NSMCE2: variants seen among roughly 807,000 people sequenced by gnomAD.
NSMCE2 encodes NSE2 SUMO ligase component of SMC5/6 complex, also known as E3 SUMO-protein ligase NSE2.
In NSMCE2, 24 loss-of-function variants were observed where a neutral mutation model predicts 23.8. That is an observed-to-expected ratio of 1.01 (90% CI 0.73 to 1.42). NSMCE2 has a LOEUF of 1.42. Among genes scored for constraint, NSMCE2 ranks in the 40% most tolerant of loss-of-function variants. The pLI is 0.00. For synonymous variants in NSMCE2, 92 were observed against 94.1 expected (o/e 0.98, Z 0.13); for missense variants, 284 against 296.5 (o/e 0.96, Z 0.31).
intron 5 of NSMCE2, among the ~76,000 whole-genome samples, chr8:125,331,378 A>G (rs1829870027): frequency 1.3e-5 from 2 of 152,188 alleles, no homozygotes; most frequent in South Asian, 4.1e-4. Context: ...GATGTCTGTG[A>G]CTGTTTCCTC....
At chr8:125,114,834 T>A (rs1818921373) in intron 3 of NSMCE2, among the ~76,000 whole-genome samples, 1 of 152,228 alleles carries the variant, frequency 6.6e-6, no homozygotes, top group African/African-American at 2.4e-5. Context: ...ACTTAGAGAA[T>A]TTTTGAAATT....
At chr8:125,263,103 CAAT>C (rs1826767202) in intron 5 of NSMCE2, among the ~76,000 whole-genome samples, 1 of 152,102 alleles carries the variant, frequency 6.6e-6, no homozygotes, top group African/African-American at 2.4e-5. Flanking sequence ...AAATATTATT[CAAT>C]TTACACATTG....
At chr8:125,178,810 C>T (rs1822631295) in intron 4 of NSMCE2, among the ~76,000 whole-genome samples, 1 of 152,056 alleles carries the variant, frequency 6.6e-6, no homozygotes, top group Non-Finnish European at 1.5e-5. Context: ...GTGGAGCTTG[C>T]AGTGAGCCGA....
At chr8:125,307,024 C>T (rs542592635) in intron 5 of NSMCE2, among the ~76,000 whole-genome samples, 6 of 152,320 alleles carry the variant, frequency 3.9e-5, no homozygotes, top group Admixed American at 3.9e-4. Flanking sequence ...GTGGATAAAA[C>T]AGTGTGTTAA....
rs115355578 is a variant in NSMCE2, at chr8:125,189,083, T to C, written c.418+6827T>C. Among the ~76,000 whole-genome samples the C allele has an allele frequency of 6.4e-3, 972 of 152,338 alleles. 7 individuals are homozygous for C. Among genetic ancestry groups the C allele is most frequent in the African/African-American group, 0.022 (926 of 41,576 alleles). ...ATCCTGATACTATTCAACTTAGAAA[T>C]GTTTTACTTTGTCATAAGGTATAAC... On this transcript the variant is annotated intron_variant, in intron 5 of 7. Coordinates refer to ENST00000287437, the MANE Select transcript of NSMCE2 (RefSeq NM_173685.4).
chr8:125,223,033 G>C (rs554037312), intron 5 of NSMCE2, among the ~76,000 whole-genome samples: 2 of 151,818 alleles, frequency 1.3e-5, no homozygotes, highest in East Asian at 3.9e-4. Context: ...GTGCACTCCA[G>C]CCTGGGCAAC....
At chr8:125,158,370 T>C (rs1470470719) in intron 4 of NSMCE2, among the ~76,000 whole-genome samples, 1 of 151,820 alleles carries the variant, frequency 6.6e-6, no homozygotes, top group Non-Finnish European at 1.5e-5. Context: ...CTCTGTGCAG[T>C]GATGATATGA....
chr8:125,317,332 G>A (rs190747794), intron 5 of NSMCE2, among the ~76,000 whole-genome samples: 42 of 151,668 alleles, frequency 2.8e-4, no homozygotes, highest in Middle Eastern at 3.4e-3. Flanking sequence ...GAATAGCTGG[G>A]ACTACAGGCA....
intron 5 of NSMCE2, among the ~76,000 whole-genome samples, chr8:125,296,261 A>G (rs188444516): frequency 2.3e-3 from 357 of 152,314 alleles, no homozygotes; most frequent in African/African-American, 7.7e-3. Context: ...TCTGCTGGGT[A>G]CATGACATAT....
At chr8:125,334,105 G>A (rs1829987296) in intron 5 of NSMCE2, among the ~76,000 whole-genome samples, 1 of 152,148 alleles carries the variant, frequency 6.6e-6, no homozygotes, top group African/African-American at 2.4e-5. Flanking sequence ...ACCTTAAAGG[G>A]CCATTGTGAG....
chr8:125,229,700 T>A (rs959794230), intron 5 of NSMCE2, among the ~76,000 whole-genome samples: 1 of 152,236 alleles, frequency 6.6e-6, no homozygotes, highest in Non-Finnish European at 1.5e-5. Context: ...ACTTTGTGTA[T>A]AAGGATAATT....
At chr8:125,275,711 G>A (rs1827424333) in intron 5 of NSMCE2, among the ~76,000 whole-genome samples, 2 of 152,134 alleles carry the variant, frequency 1.3e-5, no homozygotes, top group Non-Finnish European at 2.9e-5. Flanking sequence ...ATGTGTTTTC[G>A]ATGCCGTATG....
At chr8:125,157,277 A>T (rs534695748) in intron 4 of NSMCE2, among the ~76,000 whole-genome samples, 1 of 152,326 alleles carries the variant, frequency 6.6e-6, no homozygotes, top group African/African-American at 2.4e-5. Context: ...GCCAGAGGGG[A>T]AAGTACTAGG....
chr8:125,121,714 T>G (rs528499388), intron 3 of NSMCE2, among the ~76,000 whole-genome samples: 1 of 152,334 alleles, frequency 6.6e-6, no homozygotes, highest in Admixed American at 6.5e-5. Flanking sequence ...CTTGTGATGC[T>G]TTTTGTGTAC....
intron 5 of NSMCE2, among the ~76,000 whole-genome samples, chr8:125,227,655 C>T (rs1450180434): frequency 2.0e-5 from 3 of 152,154 alleles, no homozygotes; most frequent in Non-Finnish European, 4.4e-5. Context: ...TGATTAAGCT[C>T]TAATTAGAAT....
intron 5 of NSMCE2, among the ~76,000 whole-genome samples, chr8:125,313,181 A>C (rs1471423973): frequency 6.6e-6 from 1 of 150,382 alleles, no homozygotes; most frequent in Non-Finnish European, 1.5e-5. Context: ...GGAAAGAAGG[A>C]AGGAGAAAGA....
At chr8:125,198,627 A>G (rs192588632) in intron 5 of NSMCE2, among the ~76,000 whole-genome samples, 12 of 152,218 alleles carry the variant, frequency 7.9e-5, no homozygotes, top group African/African-American at 2.9e-4. Context: ...GATGTTCATC[A>G]GAGATATTGG....
intron 3 of NSMCE2, among the ~76,000 whole-genome samples, chr8:125,109,180 G>A (rs1818610110): frequency 1.3e-5 from 2 of 152,254 alleles, no homozygotes; most frequent in African/African-American, 4.8e-5. Context: ...GATTGCTTGG[G>A]TTCTTATCCC....
chr8:125,253,364 C>T (rs1180615149), intron 5 of NSMCE2, among the ~76,000 whole-genome samples: 1 of 152,150 alleles, frequency 6.6e-6, no homozygotes, highest in Non-Finnish European at 1.5e-5. Context: ...AATGTTTAAC[C>T]CCTAGGGGCA....
Sources: gnomAD v4.1 joint callset for allele counts (sites outside exome capture counted in the v4.1 genomes callset) on GRCh38, gnomAD v4.1.1 for gene constraint, MANE v1.5 for transcripts, NCBI Gene and HGNC (gene_info 2026-07-23, HGNC 2026-07-21) for gene names.